FECH: variants seen among roughly 807,000 people sequenced by gnomAD.
The protein encoded by FECH is ferrochelatase, mitochondrial.
In FECH, 40 loss-of-function variants were observed where a neutral mutation model predicts 56.9. The observed-to-expected ratio is 0.70, with a 90% confidence interval of 0.55 to 0.92. FECH has a LOEUF of 0.92. FECH is among the 40% of genes least tolerant of loss of function. The pLI is 0.00. For missense variants in FECH, 431 were observed against 529.1 expected, an observed-to-expected ratio of 0.81 and a Z score of 1.82; for synonymous variants, 175 against 198.6, an observed-to-expected ratio of 0.88 and a Z score of 1.00.
chr18:57,575,318 G>A (rs975138141), intron 2 of FECH, among the ~76,000 whole-genome samples: 2 of 152,182 alleles, frequency 1.3e-5, no homozygotes, highest in Non-Finnish European at 2.9e-5. Context: ...TCTACTTCCT[G>A]AATCTCCTAC....
chr18:57,550,806 T>A lies in FECH; in HGVS notation c.1178A>T (p.Glu393Val), dbSNP rs1258366731. Residue 393 changes from glutamate to valine, a missense_variant, in exon 11 of 11, where the codon GAG (glutamate) becomes GTG (valine). Glu to Val is a moderately radical substitution (Grantham distance 121). Transcript: ENST00000262093. ...DLVHSHIQSN[E>V]LCSKQLTLSC... The stretch of plus-strand genomic sequence containing the variant: ...CAGGGTCAGCTGCTTGGAACACAGC[T>A]CGTTTGACTGGATGTGTGAATGCAC... 1.2e-6 allele frequency: 2 copies of A among 1,613,898 alleles called. No homozygotes were observed. Among genetic ancestry groups the A allele is most frequent in the Non-Finnish European group, 1.7e-6 (2 of 1,180,004 alleles).
chr18:57,580,269 G>A, intron 1 of FECH, 70 bp from the exon 2 acceptor site: 1 of 1,567,470 alleles, frequency 6.4e-7, no homozygotes, highest in Non-Finnish European at 8.8e-7. Context: ...GGTCCTCAGA[G>A]CATAATTCCT....
chr18:57,553,187 A>C (rs1174079415), intron 9 of FECH, among the ~76,000 whole-genome samples: 2 of 148,178 alleles, frequency 1.3e-5, no homozygotes, highest in Non-Finnish European at 3.0e-5. Flanking sequence ...AGTGAGATAC[A>C]GAAGGCATCT....
intron 2 of FECH, among the ~76,000 whole-genome samples, chr18:57,573,589 T>C (rs1252241629): frequency 6.6e-6 from 1 of 152,186 alleles, no homozygotes; most frequent in African/African-American, 2.4e-5. Flanking sequence ...TAATTCATGA[T>C]ATCAGTCTTC....
intron 3 of FECH, among the ~76,000 whole-genome samples, chr18:57,572,410 C>T (rs1419028207): frequency 2.1e-5 from 3 of 145,320 alleles, no homozygotes; most frequent in African/African-American, 5.1e-5. Flanking sequence ...CAGGGCCTAT[C>T]GTGGAGTGGG....
At chr18:57,554,165 T>C in intron 9 of FECH, 95 bp downstream of exon 9, 1 of 1,330,590 alleles carries the variant, frequency 7.5e-7, no homozygotes, top group Non-Finnish European at 1.1e-6. Context: ...ACAAATACAG[T>C]AAACAATATT....
intron 1 of FECH, among the ~76,000 whole-genome samples, chr18:57,580,915 G>A (rs1366199835): frequency 1.3e-5 from 2 of 152,228 alleles, no homozygotes; most frequent in East Asian, 3.8e-4. Flanking sequence ...TCCTGAGGGA[G>A]GTTGTGCCAT....
In FECH at chr18:57,558,133, T is replaced by C. The variant is rs77840027; in HGVS notation, c.804+1012A>G. On this transcript the variant is annotated intron_variant, in intron 7 of 10. Coordinates refer to ENST00000262093, the MANE Select transcript of FECH (RefSeq NM_000140.5). ...ACTGAGGCTGACTCCATTCCCGACA[T>C]TGTTAAAACCTCAATCACCCCTGTG... Among the ~76,000 whole-genome samples the C allele has an allele frequency of 9.7e-3, 1,478 of 152,280 alleles. 24 individuals are homozygous for C. The highest frequency in any genetic ancestry group is 0.034 in the African/African-American group (1,418 of 41,564).
At chr18:57,556,467 C>T (rs182531417) in intron 7 of FECH, among the ~76,000 whole-genome samples, 49 of 152,304 alleles carry the variant, frequency 3.2e-4, no homozygotes, top group Non-Finnish European at 6.0e-4. Context: ...CACAGACCCC[C>T]GGGTGTGAGG....
chr18:57,575,526 T>G (rs1455550817), intron 2 of FECH, among the ~76,000 whole-genome samples: 1 of 152,174 alleles, frequency 6.6e-6, no homozygotes, highest in African/African-American at 2.4e-5. Flanking sequence ...CACTGCATCC[T>G]CGACCTCCCG....
chr18:57,586,482 G>A (rs1276802150), intron 1 of FECH, 72 bp downstream of exon 1: 1 of 1,466,332 alleles, frequency 6.8e-7, no homozygotes. Flanking sequence ...GGGCCCGGGC[G>A]CCAGCTGCCC....
chr18:57,571,696 G>A (rs941074049), intron 3 of FECH, 156 bp from the exon 4 acceptor site: 21 of 997,116 alleles, frequency 2.1e-5, no homozygotes, highest in Non-Finnish European at 2.9e-5. Context: ...ACAATAGCCA[G>A]CTCTCTTGTT....
chr18:57,551,948 A>G (rs1489531683), intron 9 of FECH, among the ~76,000 whole-genome samples: 1 of 151,192 alleles, frequency 6.6e-6, no homozygotes, highest in African/African-American at 2.4e-5. Context: ...CAGTGGCGCA[A>G]TCTCGGCTCA....
intron 9 of FECH, among the ~76,000 whole-genome samples, chr18:57,553,653 A>G (rs747124222): frequency 1.3e-5 from 2 of 152,238 alleles, no homozygotes; most frequent in Non-Finnish European, 2.9e-5. Context: ...CATCTATCTC[A>G]TATTACAAGA....
In FECH at chr18:57,586,173, TGAA is replaced by T. The variant is rs201714269; in HGVS notation, c.67+378_67+380del. ...GGGCAGATGTCCATGGTGGTGATGA[TGAA>T]GATGCCTTCCTTACTATCCTCTATG... is the stretch of plus-strand genomic sequence containing the variant. On this transcript the variant is annotated intron_variant, in intron 1 of 10. Coordinates refer to ENST00000262093, the MANE Select transcript of FECH (RefSeq NM_000140.5). Among the ~76,000 whole-genome samples, 8 of 152,352 alleles carry T rather than the reference TGAA, an allele frequency of 5.3e-5. No individual in the cohort carries two copies. In the East Asian group the frequency reaches 1.5e-3, roughly 29 times the overall value.
At chr18:57,586,153 G>C (rs544668302) in intron 1 of FECH, among the ~76,000 whole-genome samples, 1 of 152,366 alleles carries the variant, frequency 6.6e-6, no homozygotes, top group Non-Finnish European at 1.5e-5. Context: ...CTGCAGGGCA[G>C]ATGTCCATGG....
At chr18:57,579,861 G>T (rs942891936) in intron 2 of FECH, among the ~76,000 whole-genome samples, 2 of 152,174 alleles carry the variant, frequency 1.3e-5, no homozygotes, top group Admixed American at 6.5e-5. Flanking sequence ...ACTCAACTCT[G>T]TGTCTTTTAA....
At position 57,562,974 on chromosome 18, in the gene FECH, C is replaced by G. The variant is rs768319685; in HGVS notation, c.605G>C (p.Ser202Thr). The change falls in exon 6 of 11, where the codon AGC becomes ACC. Residue 202 changes from serine to threonine, a missense_variant. Ser to Thr is a moderately conservative substitution (Grantham distance 58, BLOSUM62 1). Coordinates refer to ENST00000262093, the MANE Select transcript of FECH (RefSeq NM_000140.5). ...ATAGTATCTGTAAATGGCATTTAAG[C>G]TGCTGCCTGAAATATACAGAGACCA... ...PQYSCSTTGS[S>T]LNAIYRYYNQ... The G allele has an allele frequency of 6.2e-7, 1 of 1,613,680 alleles. No individual in the cohort carries two copies. The highest frequency in any genetic ancestry group is 8.5e-7 in the Non-Finnish European group (1 of 1,179,686).
Position 57,550,158 on chromosome 18 carries a change from G to C in FECH, c.*554C>G, listed in dbSNP as rs1411542636. On this transcript the variant is annotated 3_prime_UTR_variant, in exon 11 of 11. Transcript: ENST00000262093. ...ACAAATACCAAGATGACCAATGAAT[G>C]GTGGCCTCGCTGGCAAAAGCAGCCA... 1.3e-5 allele frequency: 2 copies of C among 154,162 alleles called. No homozygotes were observed. Among genetic ancestry groups the C allele is most frequent in the East Asian group, 3.8e-4 (2 of 5,210 alleles). The allele number at this position is 154,162 out of a possible 1,614,324, so 9.5% of individuals were successfully genotyped here.
Sources: gnomAD v4.1 joint callset for allele counts (sites outside exome capture counted in the v4.1 genomes callset) on GRCh38, gnomAD v4.1.1 for gene constraint, MANE v1.5 for transcripts, NCBI Gene and HGNC (gene_info 2026-07-23, HGNC 2026-07-21) for gene names.